The following CDH13 variants were observed in gnomAD, a reference collection of about 807,000 sequenced individuals.
CDH13 encodes cadherin-13.
A neutral mutation model predicts 63.8 loss-of-function variants in CDH13; 24 were observed. The ratio of observed to expected loss-of-function variants is 0.38; its 90% CI spans 0.27 to 0.53. The LOEUF (loss-of-function observed/expected upper bound fraction) is 0.53, where lower values mean the gene tolerates loss of function less well. Ranked by LOEUF, CDH13 falls within the 20% of genes least tolerant of loss-of-function variation. The pLI, the probability that CDH13 is intolerant of heterozygous loss-of-function variation, is 0.85. For missense variants in CDH13, 1,049 were observed against 903.1 expected, an observed-to-expected ratio of 1.16 and a Z score of -2.07; for synonymous variants, 503 against 355.3, an observed-to-expected ratio of 1.42 and a Z score of -4.67.
At chr16:83,572,050 G>A (rs1456116809) in intron 7 of CDH13, among the ~76,000 whole-genome samples, 2 of 152,188 alleles carry the variant, frequency 1.3e-5, no homozygotes, top group Non-Finnish European at 2.9e-5. Context: ...GAGTCAAATA[G>A]GGATAACTTC....
At chr16:83,025,948 G>C (rs1915762877) in intron 2 of CDH13, among the ~76,000 whole-genome samples, 1 of 152,194 alleles carries the variant, frequency 6.6e-6, no homozygotes, top group South Asian at 2.1e-4. Flanking sequence ...TCTTGGGAGA[G>C]AGTGGGGGCA....
At chr16:82,700,617 C>A (rs376433191) in intron 1 of CDH13, among the ~76,000 whole-genome samples, 1 of 151,904 alleles carries the variant, frequency 6.6e-6, no homozygotes, top group Admixed American at 6.6e-5. Flanking sequence ...TAAACTTAAT[C>A]ATTTCTAAGA....
chr16:83,307,287 T>G (rs924493529), intron 5 of CDH13, among the ~76,000 whole-genome samples: 2 of 152,204 alleles, frequency 1.3e-5, no homozygotes, highest in Admixed American at 6.5e-5. Context: ...TTCAGCATGA[T>G]GTATCTTATC....
chr16:82,853,305 T>G (rs536672078), intron 1 of CDH13, among the ~76,000 whole-genome samples: 3 of 152,304 alleles, frequency 2.0e-5, no homozygotes, highest in South Asian at 4.1e-4. Flanking sequence ...CACTGAACAG[T>G]TTTTTAGTAA....
At chr16:82,646,902 A>C (rs1226980131) in intron 1 of CDH13, among the ~76,000 whole-genome samples, 1 of 152,194 alleles carries the variant, frequency 6.6e-6, no homozygotes, top group East Asian at 1.9e-4. Context: ...GGTAATGAAG[A>C]GGCTGTTATG....
chr16:83,059,797 T>TTTG (rs2031347705), intron 3 of CDH13, among the ~76,000 whole-genome samples: 1 of 81,502 alleles, frequency 1.2e-5, no homozygotes, highest in Non-Finnish European at 3.0e-5. Flanking sequence ...TTGTTTGTTT[T>TTTG]TTTTTTTTTT....
chr16:82,956,990 TA>T (rs1396612116), intron 2 of CDH13, among the ~76,000 whole-genome samples: 1 of 152,136 alleles, frequency 6.6e-6, no homozygotes, highest in Non-Finnish European at 1.5e-5. Context: ...TGGAGAGACA[TA>T]AATCTATCTG....
At chr16:83,505,193 C>G (rs555045126) in intron 7 of CDH13, among the ~76,000 whole-genome samples, 1 of 152,310 alleles carries the variant, frequency 6.6e-6, no homozygotes, top group Admixed American at 6.5e-5. Context: ...GCCTCCAGAT[C>G]CCCAGGCTTC....
intron 5 of CDH13, among the ~76,000 whole-genome samples, chr16:83,314,555 G>A (rs1246155312): frequency 2.0e-5 from 3 of 151,120 alleles, no homozygotes; most frequent in African/African-American, 4.9e-5. Flanking sequence ...ATGTCAGTGT[G>A]TTAAAAAAAA....
chr16:83,600,985 C>G (rs1055522266), intron 7 of CDH13, among the ~76,000 whole-genome samples: 1 of 152,140 alleles, frequency 6.6e-6, no homozygotes, highest in East Asian at 1.9e-4. Flanking sequence ...CTAGCTCCCC[C>G]TGCCAAATGC....
At chr16:83,259,850 C>T (rs549021014) in intron 5 of CDH13, among the ~76,000 whole-genome samples, 2 of 152,044 alleles carry the variant, frequency 1.3e-5, no homozygotes, top group Admixed American at 1.3e-4. Context: ...CCACAGCACC[C>T]CTTCAAGTGA....
chr16:83,439,926 C>G (rs1485783136), intron 6 of CDH13, among the ~76,000 whole-genome samples: 1 of 152,130 alleles, frequency 6.6e-6, no homozygotes, highest in Non-Finnish European at 1.5e-5. Context: ...CTATGTAGGT[C>G]AACAAAACTT....
chr16:82,700,320 T>C (rs537086971), intron 1 of CDH13, among the ~76,000 whole-genome samples: 8 of 152,338 alleles, frequency 5.3e-5, no homozygotes, highest in South Asian at 2.1e-4. Context: ...GAGAGAACAC[T>C]TTAAAGAACA....
intron 5 of CDH13, among the ~76,000 whole-genome samples, chr16:83,297,683 A>G (rs1185551598): frequency 1.3e-5 from 2 of 152,242 alleles, no homozygotes; most frequent in Non-Finnish European, 2.9e-5. Context: ...CAACCAGTCA[A>G]GGAGATTTCA....
chr16:83,103,101 T>C (rs189697247), intron 3 of CDH13, among the ~76,000 whole-genome samples: 2 of 151,584 alleles, frequency 1.3e-5, no homozygotes, highest in Non-Finnish European at 2.9e-5. Context: ...TACAGGAGTG[T>C]GCCACCACGC....
intron 6 of CDH13, among the ~76,000 whole-genome samples, chr16:83,476,953 A>G (rs2073622288): frequency 6.6e-6 from 1 of 152,118 alleles, no homozygotes; most frequent in Admixed American, 6.5e-5. Flanking sequence ...GATTAAGTGG[A>G]ATTTTTAAGG....
Position 83,089,510 on chromosome 16 carries a change from A to G in CDH13, c.367-35875A>G, listed in dbSNP as rs529031961. 1.0e-4 allele frequency among the ~76,000 whole-genome samples: 15 copies of G among 148,664 alleles called. No individual in the cohort carries two copies. The South Asian group carries it at 3.2e-3, about 31-fold the overall frequency. Reference sequence around the variant, plus strand: ...AATCTGAATCACACTCATTCCCTCCATCACTTGGCTCACCAGTGGGACCAG... The same window carrying G: ...AATCTGAATCACACTCATTCCCTCCGTCACTTGGCTCACCAGTGGGACCAG... On this transcript the variant is annotated intron_variant, in intron 3 of 13. Coordinates refer to ENST00000567109, the MANE Select transcript of CDH13 (RefSeq NM_001257.5).
At chr16:83,209,210 C>T (rs1186329704) in intron 4 of CDH13, among the ~76,000 whole-genome samples, 2 of 152,204 alleles carry the variant, frequency 1.3e-5, no homozygotes, top group Non-Finnish European at 2.9e-5. Context: ...TTTCAGTTAG[C>T]ACCCTTTCCC....
intron 10 of CDH13, among the ~76,000 whole-genome samples, chr16:83,698,612 G>A (rs969057521): frequency 6.6e-6 from 1 of 152,212 alleles, no homozygotes; most frequent in Non-Finnish European, 1.5e-5. Flanking sequence ...ACTCACACAG[G>A]CGGTATGAGG....
Sources: allele counts gnomAD v4.1 joint callset (sites outside exome capture counted in the v4.1 genomes callset), GRCh38; gene constraint gnomAD v4.1.1; transcripts MANE v1.5; gene names NCBI Gene and HGNC (gene_info 2026-07-23, HGNC 2026-07-21).